Variants in PDPR observed in about 807,000 individuals in gnomAD.
PDPR encodes the protein pyruvate dehydrogenase phosphatase regulatory subunit, also known as pyruvate dehydrogenase phosphatase regulatory subunit, mitochondrial.
A neutral mutation model predicts 102.2 loss-of-function variants in PDPR; 50 were observed. The observed-to-expected ratio is 0.49, with a 90% CI of 0.39 to 0.62. The LOEUF (loss-of-function observed/expected upper bound fraction) is 0.62. Ranked by LOEUF, PDPR falls within the 20% of genes least tolerant of loss-of-function variation. The pLI, the probability that PDPR is intolerant of heterozygous loss-of-function variation, is 0.00. For synonymous variants in PDPR, 259 were observed against 406.0 expected (o/e 0.64, Z 4.35); for missense variants, 625 against 1,098.2 (o/e 0.57, Z 6.09).
At chr16:70,154,910 A>T (rs1292956189) in intron 18 of PDPR, among the ~76,000 whole-genome samples, 1 of 152,202 alleles carries the variant, frequency 6.6e-6, no homozygotes, top group African/African-American at 2.4e-5. Context: ...GAGTGCTGGG[A>T]TTACAGGCGT....
chr16:70,131,932 A>C (rs1448933009), intron 8 of PDPR: 3 of 1,489,614 alleles, frequency 2.0e-6, no homozygotes, highest in South Asian at 1.2e-5. Context: ...TAATCAGAGA[A>C]ACAGTCTCCA....
At chr16:70,147,870 G>A (rs1453340399) in intron 16 of PDPR, among the ~76,000 whole-genome samples, 1 of 152,222 alleles carries the variant, frequency 6.6e-6, no homozygotes, top group African/African-American at 2.4e-5. Context: ...GGCGAGTGCT[G>A]CATCCTGTCA....
At chr16:70,141,335 C>G (rs145167594) in intron 11 of PDPR, among the ~76,000 whole-genome samples, 1 of 152,252 alleles carries the variant, frequency 6.6e-6, no homozygotes. Flanking sequence ...CAGACGTGAG[C>G]CACCACACCC....
intron 6 of PDPR, 39 bp downstream of exon 6, chr16:70,129,161 G>A: frequency 6.2e-7 from 1 of 1,613,732 alleles, no homozygotes; most frequent in Non-Finnish European, 8.5e-7. Flanking sequence ...TAGGTTAGCA[G>A]GGAAGACATT....
At chr16:70,154,493 A>C (rs931837173) in intron 18 of PDPR, among the ~76,000 whole-genome samples, 8 of 152,376 alleles carry the variant, frequency 5.3e-5, no homozygotes, top group Non-Finnish European at 8.8e-5. Context: ...AAACAAAAAA[A>C]CCCACTTATT....
At chr16:70,137,590 G>C (rs1325500935) in intron 10 of PDPR, among the ~76,000 whole-genome samples, 4 of 152,242 alleles carry the variant, frequency 2.6e-5, no homozygotes, top group Admixed American at 1.3e-4. Context: ...TGGTGGTGAA[G>C]GTTACACCGC....
intron 3 of PDPR, among the ~76,000 whole-genome samples, chr16:70,122,117 G>T (rs1429405433): frequency 5.3e-5 from 8 of 152,260 alleles, no homozygotes; most frequent in South Asian, 2.1e-4. Flanking sequence ...CTCCCGAGTT[G>T]CTGGGATTAC....
intron 6 of PDPR, among the ~76,000 whole-genome samples, chr16:70,130,150 G>A (rs1278577550): frequency 9.8e-5 from 15 of 152,360 alleles, no homozygotes; most frequent in African/African-American, 3.1e-4. Context: ...AAAATTAGCC[G>A]GGCATGGTGG....
intron 17 of PDPR, among the ~76,000 whole-genome samples, chr16:70,151,523 A>G (rs1966739484): frequency 6.6e-6 from 1 of 152,292 alleles, no homozygotes; most frequent in Admixed American, 6.5e-5. Context: ...GAAGAATTTA[A>G]ACAGATGCAG....
intron 3 of PDPR, among the ~76,000 whole-genome samples, chr16:70,123,855 C>G (rs1166092122): frequency 1.3e-5 from 2 of 152,220 alleles, no homozygotes; most frequent in Admixed American, 1.3e-4. Context: ...GAGTTCGAGA[C>G]CAGCTTGGCC....
At chr16:70,132,800 T>C (rs1252016282) in intron 9 of PDPR, among the ~76,000 whole-genome samples, 2 of 152,250 alleles carry the variant, frequency 1.3e-5, no homozygotes, top group Admixed American at 1.3e-4. Context: ...TTTGTGTGTG[T>C]TTAGTCATCT....
chr16:70,150,170 C>G (rs1419520387), intron 17 of PDPR, among the ~76,000 whole-genome samples: 3 of 139,350 alleles, frequency 2.2e-5, no homozygotes, highest in Non-Finnish European at 4.5e-5. Flanking sequence ...ATGACATGAT[C>G]TAGGCTCACC....
At chr16:70,153,268 T>G in intron 17 of PDPR, 123 bp from the exon 18 acceptor site, 8 of 1,113,160 alleles carry the variant, frequency 7.2e-6, no homozygotes, top group Non-Finnish European at 1.0e-5. Context: ...TGAGACATCC[T>G]GGGAGTTTTA....
At chr16:70,128,344 C>T (rs1165315019) in intron 4 of PDPR, among the ~76,000 whole-genome samples, 3 of 152,248 alleles carry the variant, frequency 2.0e-5, no homozygotes, top group Non-Finnish European at 2.9e-5. Context: ...TCTCCTGCCT[C>T]AGCCTTCCCG....
At chr16:70,138,289 G>T (rs1245475780) in intron 10 of PDPR, among the ~76,000 whole-genome samples, 1 of 146,862 alleles carries the variant, frequency 6.8e-6, no homozygotes, top group Admixed American at 7.1e-5. Flanking sequence ...CGTGATCTAG[G>T]CTTACTGCAA....
intron 3 of PDPR, among the ~76,000 whole-genome samples, chr16:70,126,721 T>C (rs1276839227): frequency 1.3e-5 from 2 of 152,274 alleles, no homozygotes; most frequent in South Asian, 2.1e-4. Flanking sequence ...AGACACAGTC[T>C]GGCTATGTTG....
At chr16:70,148,214 T>C (rs1444082637) in intron 16 of PDPR, among the ~76,000 whole-genome samples, 3 of 152,236 alleles carry the variant, frequency 2.0e-5, no homozygotes, top group African/African-American at 7.2e-5. Flanking sequence ...TCCTCCACTC[T>C]CTACCATCAG....
At position 70,153,447 on chromosome 16, in the gene PDPR, G is replaced by T. The variant is rs777134308; in HGVS notation, c.2109G>T (p.Arg703=). 6.2e-7 allele frequency: 1 copy of T among 1,613,940 alleles called. No homozygotes were observed. The highest frequency in any genetic ancestry group is 1.1e-5 in the South Asian group (1 of 91,032). The change falls in exon 18 of 19, where the codon CGG becomes CGT. Residue 703 remains arginine, a synonymous_variant. Transcript: ENST00000288050. ...GTGTTGGCCAGAAATACGGAATCCGGAATGCTGGGTATTACGCTCTTCGCA... is the reference window on the plus strand; with the variant it reads ...GTGTTGGCCAGAAATACGGAATCCGTAATGCTGGGTATTACGCTCTTCGCA... ...VMSVGQKYGI[R]NAGYYALRSL...
At position 70,157,238 on chromosome 16, in the gene PDPR, G is replaced by A. The variant is rs1485726173; in HGVS notation, c.*359G>A. On this transcript the variant is annotated 3_prime_UTR_variant, in exon 19 of 19. Coordinates refer to ENST00000288050, the MANE Select transcript of PDPR (RefSeq NM_017990.5). Reference sequence around the variant, plus strand: ...GCATCTCAAGGCAGGGCAAGCCGGGGTGGTGCAGGTCTCAGGGCACGAGTC... The same window carrying A: ...GCATCTCAAGGCAGGGCAAGCCGGGATGGTGCAGGTCTCAGGGCACGAGTC... 3 of 521,710 alleles carry A rather than the reference G, an allele frequency of 5.8e-6. No individual in the cohort carries two copies. The highest frequency in any genetic ancestry group is 5.5e-5 in the East Asian group (1 of 18,312). The allele number at this position is 521,710 out of a possible 1,614,324, so 32.3% of individuals were successfully genotyped here. A position where few individuals can be genotyped will look rare whatever the true frequency, so the allele number is the denominator to read the frequency against.
Sources: gnomAD v4.1 joint callset for allele counts (sites outside exome capture counted in the v4.1 genomes callset) on GRCh38, gnomAD v4.1.1 for gene constraint, MANE v1.5 for transcripts, NCBI Gene and HGNC (gene_info 2026-07-23, HGNC 2026-07-21) for gene names.